The following TACC2 variants were observed in gnomAD, a reference collection of about 807,000 sequenced individuals.
TACC2 encodes the protein transforming acidic coiled-coil-containing protein 2.
Under a neutral mutation model 227.3 loss-of-function variants are expected in TACC2, and 137 were observed. The observed-to-expected ratio is 0.60, with a 90% CI of 0.52 to 0.69. TACC2 has a LOEUF of 0.69. Ranked by LOEUF, TACC2 falls within the 30% of genes least tolerant of loss-of-function variation. The pLI, the probability that TACC2 is intolerant of heterozygous loss-of-function variation, is 0.00. For missense variants in TACC2, 3,470 were observed against 3,694.4 expected, an observed-to-expected ratio of 0.94 and a Z score of 1.57; for synonymous variants, 1,523 against 1,487.5, an observed-to-expected ratio of 1.02 and a Z score of -0.55.
In TACC2 at chr10:122,180,598, G is replaced by A. The variant is rs747212330; in HGVS notation, c.5835-14442G>A. Among the ~76,000 whole-genome samples, 27 of 151,974 alleles carry A rather than the reference G, an allele frequency of 1.8e-4. No individual in the cohort carries two copies. Among genetic ancestry groups the A allele is most frequent in the African/African-American group, 5.1e-4 (21 of 41,482 alleles). ...TGTGATCCACCTGCCTCGGCGTCCC[G>A]AAGTGCTGGGATTACAGGCATGAGC... is the stretch of plus-strand genomic sequence containing the variant. On this transcript the variant is annotated intron_variant, in intron 7 of 22. Transcript: ENST00000369005. This position sits in a 1 kb window ranked among gnomAD's most constrained non-coding sequence, Gnocchi z 4.5.
intron 7 of TACC2, chr10:122,164,131 T>A: frequency 9.8e-7 from 1 of 1,021,716 alleles, no homozygotes; most frequent in Non-Finnish European, 1.4e-6. Context: ...CTTGGAAAGC[T>A]TTACCTGGGG....
chr10:122,132,049 A>AAAGGAAGGAAGG (rs1565389849), intron 5 of TACC2, among the ~76,000 whole-genome samples: 156 of 5,472 alleles, frequency 0.029, 3 homozygotes, highest in African/African-American at 0.035. Context: ...AGAAAGAAAG[A>AAAGGAAGGAAGG]AAGAAAGAAA....
intron 16 of TACC2, among the ~76,000 whole-genome samples, chr10:122,232,105 A>G (rs2095763987): frequency 6.6e-6 from 1 of 152,364 alleles, no homozygotes; most frequent in East Asian, 1.9e-4. Flanking sequence ...ATGTCAATAC[A>G]GATTGGGGAT....
At chr10:122,166,995 G>T (rs936323733) in intron 7 of TACC2, among the ~76,000 whole-genome samples, 3 of 152,238 alleles carry the variant, frequency 2.0e-5, no homozygotes, top group Non-Finnish European at 4.4e-5. Flanking sequence ...GCAGCCCCAT[G>T]TGGTGTGGCT....
intron 7 of TACC2, among the ~76,000 whole-genome samples, chr10:122,186,086 G>A (rs942153830): frequency 6.6e-6 from 1 of 151,776 alleles, no homozygotes; most frequent in Non-Finnish European, 1.5e-5. Context: ...CCACCAGTAC[G>A]CCTGGCTAAT....
intron 11 of TACC2, among the ~76,000 whole-genome samples, chr10:122,220,980 G>A (rs1305728765): frequency 6.6e-6 from 1 of 152,212 alleles, no homozygotes; most frequent in Admixed American, 6.5e-5. Context: ...GCATGGAACA[G>A]GCTTGCTGCC....
intron 7 of TACC2, chr10:122,163,671 GCCGGCCACACTCGGGCGCGCGCC>G: frequency 9.5e-7 from 1 of 1,053,460 alleles, no homozygotes; most frequent in Non-Finnish European, 1.1e-6. Context: ...AGCCGCGCAC[GCCGGCCACACTCGGGCGCGCGCC>G]GGCCACACTC....
chr10:122,182,998 G>A (rs1350226767), intron 7 of TACC2, among the ~76,000 whole-genome samples: 1 of 151,568 alleles, frequency 6.6e-6, no homozygotes, highest in East Asian at 1.9e-4. Context: ...GAGGCCAGGA[G>A]TTCGAGACCA....
At chr10:122,009,600 G>C (rs1006825302) in intron 1 of TACC2, among the ~76,000 whole-genome samples, 1 of 152,112 alleles carries the variant, frequency 6.6e-6, no homozygotes, top group African/African-American at 2.4e-5. Context: ...ACTTAACAAA[G>C]TCTTATTAAT....
At chr10:122,192,761 C>G in intron 7 of TACC2, 4 of 456,638 alleles carry the variant, frequency 8.8e-6, no homozygotes, top group Non-Finnish European at 1.8e-5. Context: ...AGTGGGGACT[C>G]CAGTCTGCTG....
intron 5 of TACC2, among the ~76,000 whole-genome samples, chr10:122,097,044 T>C (rs966638469): frequency 6.6e-6 from 1 of 151,852 alleles, no homozygotes; most frequent in Non-Finnish European, 1.5e-5. Flanking sequence ...CTTGCCTGGT[T>C]GCTGGGCACG....
chr10:122,178,894 G>A (rs1198294770), intron 7 of TACC2, among the ~76,000 whole-genome samples: 3 of 152,066 alleles, frequency 2.0e-5, no homozygotes, highest in Admixed American at 6.6e-5. Context: ...CAAAACACAG[G>A]ATAAACCCCT....
intron 3 of TACC2, among the ~76,000 whole-genome samples, chr10:122,075,949 G>A (rs961063800): frequency 2.6e-5 from 4 of 152,052 alleles, no homozygotes; most frequent in African/African-American, 7.2e-5. Flanking sequence ...ACAGGTGCCT[G>A]CCACCACAAT....
At chr10:122,220,848 A>G (rs1194639939) in intron 11 of TACC2, among the ~76,000 whole-genome samples, 1 of 152,178 alleles carries the variant, frequency 6.6e-6, no homozygotes, top group Non-Finnish European at 1.5e-5. Context: ...GCTTTTCTAC[A>G]GTTCCCCATT....
At chr10:122,242,081 C>G in intron 19 of TACC2, 80 bp downstream of exon 19, 3 of 1,335,630 alleles carry the variant, frequency 2.2e-6, no homozygotes, top group Non-Finnish European at 3.2e-6. Context: ...ATAGGAGGCT[C>G]AGAGTGGGTT....
At chr10:122,010,540 A>AGGTT (rs1464807569) in intron 1 of TACC2, among the ~76,000 whole-genome samples, 1 of 152,190 alleles carries the variant, frequency 6.6e-6, no homozygotes, top group Non-Finnish European at 1.5e-5. Context: ...ATCCCCAGAG[A>AGGTT]GGTTGACACA....
intron 6 of TACC2, among the ~76,000 whole-genome samples, chr10:122,134,713 C>T (rs983229440): frequency 1.3e-5 from 2 of 152,190 alleles, no homozygotes; most frequent in Admixed American, 6.5e-5. Context: ...CACGCCCTCC[C>T]TTAGCAAAGC....
At chr10:122,183,853 C>T (rs1042712074) in intron 7 of TACC2, among the ~76,000 whole-genome samples, 2 of 152,162 alleles carry the variant, frequency 1.3e-5, no homozygotes, top group African/African-American at 4.8e-5. Context: ...AGCTCTCAGG[C>T]AAGATGCTGA....
intron 1 of TACC2, among the ~76,000 whole-genome samples, chr10:122,005,743 G>C (rs1281756149): frequency 1.4e-5 from 2 of 147,124 alleles, no homozygotes; most frequent in Non-Finnish European, 3.0e-5. Flanking sequence ...GCCCAGGCTG[G>C]AGTGCAATAG....
Sources: gnomAD v4.1 joint callset for allele counts (sites outside exome capture counted in the v4.1 genomes callset) on GRCh38, gnomAD v4.1.1 for gene constraint, Gnocchi (gnomAD v3.1) non-coding constraint, MANE v1.5 for transcripts, NCBI Gene and HGNC (gene_info 2026-07-23, HGNC 2026-07-21) for gene names.